Variants in DACH2 observed in about 807,000 individuals in gnomAD.
The protein encoded by DACH2 is dachshund family transcription factor 2.
Under a neutral mutation model 35.8 loss-of-function variants are expected in DACH2, and 17 were observed. That is an observed-to-expected ratio of 0.48 (90% CI 0.33 to 0.71). DACH2 has a LOEUF of 0.71. Ranked by LOEUF, DACH2 falls within the 30% of genes least tolerant of loss-of-function variation. The pLI is 0.02. For missense variants in DACH2, 469 were observed against 472.7 expected, an observed-to-expected ratio of 0.99 and a Z score of 0.07; for synonymous variants, 195 against 177.3, an observed-to-expected ratio of 1.10 and a Z score of -0.79.
intron 1 of DACH2, among the ~76,000 whole-genome samples, chrX:86,266,835 T>TTACTAA (rs59063889): frequency 0.076 from 8,428 of 111,562 alleles, 768 homozygotes; most frequent in African/African-American, 0.26. Flanking sequence ...TAACTATCAG[T>TTACTAA]TACTATTTGT....
At chrX:86,554,685 C>T (rs187001142) in intron 3 of DACH2, among the ~76,000 whole-genome samples, 26 of 111,342 alleles carry the variant, frequency 2.3e-4, no homozygotes, top group African/African-American at 7.8e-4. Flanking sequence ...TATCTAACGA[C>T]CAATTAAGTA....
chrX:86,472,743 T>G (rs2037780273), intron 2 of DACH2, among the ~76,000 whole-genome samples: 1 of 112,040 alleles, frequency 8.9e-6, no homozygotes, highest in East Asian at 2.8e-4. Flanking sequence ...TGATGATAAT[T>G]CAATTCCATG....
chrX:86,216,241 G>A (rs1460700048), intron 1 of DACH2, among the ~76,000 whole-genome samples: 2 of 111,510 alleles, frequency 1.8e-5, no homozygotes, highest in African/African-American at 3.3e-5. Context: ...TAAGTTCTAG[G>A]GTACATGTGC....
chrX:86,657,934 C>CT (rs975447513), intron 4 of DACH2, among the ~76,000 whole-genome samples: 1 of 111,443 alleles, frequency 9.0e-6, no homozygotes, highest in African/African-American at 3.2e-5. Flanking sequence ...TTCCTTGTAA[C>CT]TTTTTATTCT....
At chrX:86,581,201 C>T (rs1193434851) in intron 3 of DACH2, among the ~76,000 whole-genome samples, 1 of 111,903 alleles carries the variant, frequency 8.9e-6, no homozygotes, top group Non-Finnish European at 1.9e-5. Context: ...ACCACCAGAT[C>T]TGCCTTCTAA....
At chrX:86,645,741 C>A (rs1217766439) in intron 3 of DACH2, among the ~76,000 whole-genome samples, 1 of 110,885 alleles carries the variant, frequency 9.0e-6, no homozygotes, top group Non-Finnish European at 1.9e-5. Context: ...CAAGATCATG[C>A]CTTTTTGGGG....
chrX:86,238,885 T>A (rs1053180267), intron 1 of DACH2, among the ~76,000 whole-genome samples: 2 of 111,666 alleles, frequency 1.8e-5, no homozygotes, highest in Admixed American at 1.9e-4. Flanking sequence ...AATATCAATA[T>A]TGTTCTTAAA....
intron 3 of DACH2, among the ~76,000 whole-genome samples, chrX:86,541,793 G>A (rs2038886441): frequency 9.0e-6 from 1 of 111,469 alleles, no homozygotes; most frequent in Non-Finnish European, 1.9e-5. Flanking sequence ...TTTTGTAAAT[G>A]AAGAAATCAT....
chrX:86,726,030 G>A (rs1234247764), intron 6 of DACH2, among the ~76,000 whole-genome samples: 1 of 111,357 alleles, frequency 9.0e-6, no homozygotes, highest in East Asian at 2.9e-4. Flanking sequence ...ATGACTTCAG[G>A]TGCTGGCTGT....
chrX:86,339,994 A>G (rs1210590055), intron 1 of DACH2, among the ~76,000 whole-genome samples: 1 of 111,983 alleles, frequency 8.9e-6, no homozygotes, highest in Non-Finnish European at 1.9e-5. Flanking sequence ...CATTATCTTT[A>G]TTGCTAACCT....
intron 2 of DACH2, among the ~76,000 whole-genome samples, chrX:86,472,607 T>A (rs1218359961): frequency 2.7e-5 from 3 of 112,161 alleles, no homozygotes; most frequent in Non-Finnish European, 5.6e-5. Flanking sequence ...CCCACTACAC[T>A]GCATTTCTTA....
chrX:86,506,669 T>C (rs1375168435), intron 2 of DACH2, among the ~76,000 whole-genome samples: 5 of 111,838 alleles, frequency 4.5e-5, no homozygotes, highest in African/African-American at 1.3e-4. Flanking sequence ...TGCTGGGTTA[T>C]AGGCATGAAC....
At chrX:86,676,741 T>A (rs1446514067) in intron 4 of DACH2, among the ~76,000 whole-genome samples, 1 of 111,981 alleles carries the variant, frequency 8.9e-6, no homozygotes, top group Non-Finnish European at 1.9e-5. Flanking sequence ...TATGCCTGAA[T>A]TGATCAACAT....
chrX:86,315,784 C>T (rs1303613910), intron 1 of DACH2, among the ~76,000 whole-genome samples: 2 of 89,657 alleles, frequency 2.2e-5, no homozygotes, highest in Admixed American at 2.5e-4. Flanking sequence ...AATTGAGGGT[C>T]GTGGACACAC....
intron 1 of DACH2, among the ~76,000 whole-genome samples, chrX:86,172,488 C>G (rs1239515949): frequency 8.9e-6 from 1 of 111,997 alleles, no homozygotes; most frequent in Non-Finnish European, 1.9e-5. Flanking sequence ...TCCTATGAGG[C>G]AGGTCACCCC....
intron 1 of DACH2, among the ~76,000 whole-genome samples, chrX:86,309,177 C>T (rs1200297735): frequency 8.9e-6 from 1 of 112,264 alleles, no homozygotes; most frequent in Non-Finnish European, 1.9e-5. Context: ...ATTCCCACTA[C>T]ATCCCTGTTA....
At chrX:86,285,358 AT>A (rs2034123310) in intron 1 of DACH2, among the ~76,000 whole-genome samples, 2 of 111,583 alleles carry the variant, frequency 1.8e-5, no homozygotes, top group South Asian at 3.7e-4. Flanking sequence ...TATTCCATCA[AT>A]TTTTGTATGT....
intron 3 of DACH2, among the ~76,000 whole-genome samples, chrX:86,637,691 A>G (rs1333848210): frequency 9.0e-6 from 1 of 111,220 alleles, no homozygotes; most frequent in Non-Finnish European, 1.9e-5. Flanking sequence ...ACCTGGACAC[A>G]TAGAGAGAAA....
At chrX:86,673,031 C>T (rs115514138) in intron 4 of DACH2, among the ~76,000 whole-genome samples, 101 of 111,858 alleles carry the variant, frequency 9.0e-4, no homozygotes, top group Non-Finnish European at 7.0e-4. Context: ...ATGTGAGACA[C>T]GGAGTCAAAG....
Sources: gnomAD v4.1 joint callset for allele counts (sites outside exome capture counted in the v4.1 genomes callset) on GRCh38, gnomAD v4.1.1 for gene constraint, MANE v1.5 for transcripts, NCBI Gene and HGNC (gene_info 2026-07-23, HGNC 2026-07-21) for gene names.